Variants in PDZD2 observed in about 807,000 individuals in gnomAD.
The protein encoded by PDZD2 is PDZ domain-containing protein 2.
Under a neutral mutation model 220.7 loss-of-function variants are expected in PDZD2, and 90 were observed. The observed-to-expected ratio is 0.41, with a 90% confidence interval of 0.34 to 0.49. The LOEUF (loss-of-function observed/expected upper bound fraction) is 0.49. Ranked by LOEUF, PDZD2 falls within the 20% of genes least tolerant of loss-of-function variation. The pLI, the probability that PDZD2 is intolerant of heterozygous loss-of-function variation, is 0.28. For synonymous variants in PDZD2, 1,375 were observed against 1,450.5 expected, an observed-to-expected ratio of 0.95 and a Z score of 1.18; for missense variants, 3,174 against 3,608.5, an observed-to-expected ratio of 0.88 and a Z score of 3.08.
intron 5 of PDZD2, among the ~76,000 whole-genome samples, chr5:32,006,907 CTTTTTTTT>C (rs1173189592): frequency 4.2e-5 from 2 of 47,844 alleles, no homozygotes; most frequent in African/African-American, 2.0e-4. Context: ...CCATGCTGGT[CTTTTTTTT>C]TTTTTTTTTT....
intron 2 of PDZD2, chr5:31,855,179 G>C: frequency 1.1e-6 from 1 of 906,194 alleles, no homozygotes; most frequent in Non-Finnish European, 1.3e-6. Flanking sequence ...GTAGGAAATC[G>C]GCTTCTCAGG....
chr5:31,765,654 C>A (rs182445928), intron 1 of PDZD2, among the ~76,000 whole-genome samples: 1 of 152,144 alleles, frequency 6.6e-6, no homozygotes, highest in African/African-American at 2.4e-5. Context: ...AGAGGCGCAT[C>A]CCTGAGGCCG....
intron 1 of PDZD2, among the ~76,000 whole-genome samples, chr5:31,727,861 G>A (rs915276564): frequency 2.6e-5 from 4 of 151,434 alleles, no homozygotes; most frequent in East Asian, 1.9e-4. Flanking sequence ...AAATTTTGCC[G>A]GGTGTGGTGT....
In PDZD2 at chr5:32,088,829, C is replaced by T. The variant is rs748875082; in HGVS notation, c.5381C>T (p.Ala1794Val). 2 of 1,613,966 alleles carry T rather than the reference C, an allele frequency of 1.2e-6. No homozygotes were observed. The highest frequency in any genetic ancestry group is 1.7e-6 in the Non-Finnish European group (2 of 1,179,934). ...TTGCTACAGAAACCAAAAATGATCGCTAGGAGGCCCATCATGGCCTGGTTT... is the reference window on the plus strand; with the variant it reads ...TTGCTACAGAAACCAAAAATGATCGTTAGGAGGCCCATCATGGCCTGGTTT... ...DDLLQKPKMI[A>V]RRPIMAWFKE... Residue 1794 changes from alanine to valine, a missense_variant, in exon 20 of 25, where the codon GCT becomes GTT. Around this residue, in one of 4 missense-constraint regions of PDZD2, gnomAD observed 1,861 missense variants for 2,001.0 expected, o/e 0.93. Transcript: ENST00000438447. The surrounding 1 kb of genome is among the most constrained non-coding windows in gnomAD (Gnocchi z 4.6).
chr5:31,642,431 T>C (rs1744983318), intron 1 of PDZD2, among the ~76,000 whole-genome samples: 1 of 152,118 alleles, frequency 6.6e-6, no homozygotes, highest in South Asian at 2.1e-4. Flanking sequence ...AAAAGGCCAC[T>C]GATAGAACAG....
chr5:31,680,656 A>G (rs2150122875), intron 1 of PDZD2, among the ~76,000 whole-genome samples: 1 of 152,330 alleles, frequency 6.6e-6, no homozygotes, highest in East Asian at 1.9e-4. Flanking sequence ...TCAGGCAGCC[A>G]GAAACAGGCT....
Position 31,898,808 on chromosome 5 carries a change from C to CTTTT in PDZD2, c.477-84332_477-84329dup, listed in dbSNP as rs35589628. ...CTTAAGGATAGATGGAGCCTCTCTT[C>CTTTT]TTTTTTTTTTTTTTTTTTGTTTTTT... On this transcript the variant is annotated intron_variant, in intron 2 of 24. Transcript: ENST00000438447. Among the ~76,000 whole-genome samples the CTTTT allele has an allele frequency of 8.8e-4, 109 of 123,442 alleles. 1 individual carries two copies. Among genetic ancestry groups the CTTTT allele is most frequent in the Middle Eastern group, 9.9e-3 (2 of 202 alleles). 81.0% of individuals were successfully genotyped at this position (123,442 alleles called of 152,430 possible).
In PDZD2 at chr5:32,083,178, CT is replaced by C. The variant is rs1171435589; in HGVS notation, c.3683-3946del. ...GTGTGAATAAATATATAGTCCTGTG[CT>C]TTTTTTGTCTTTTTGCCAAAAAAAA... On this transcript the variant is annotated intron_variant, in intron 19 of 24. Transcript: ENST00000438447. This position sits in a 1 kb window ranked among gnomAD's most constrained non-coding sequence, Gnocchi z 4.1. 7.2e-6 allele frequency among the ~76,000 whole-genome samples: 1 copy of C among 138,728 alleles called. No individual in the cohort carries two copies. Among genetic ancestry groups the C allele is most frequent in the African/African-American group, 2.7e-5 (1 of 37,084 alleles). The allele number at this position is 138,728 out of a possible 152,430, so 91.0% of individuals were successfully genotyped here.
chr5:31,763,812 C>T (rs182751656), intron 1 of PDZD2, among the ~76,000 whole-genome samples: 31 of 146,698 alleles, frequency 2.1e-4, no homozygotes, highest in African/African-American at 7.9e-4. Flanking sequence ...AAGCAGTCTT[C>T]AAAGGATCTG....
chr5:31,725,487 A>C (rs1749069448), intron 1 of PDZD2: 1 of 1,241,588 alleles, frequency 8.1e-7, no homozygotes, highest in African/African-American at 1.5e-5. Flanking sequence ...AACTATGAGT[A>C]AATGAATGAT....
chr5:31,705,682 A>C (rs1055536468), intron 1 of PDZD2, among the ~76,000 whole-genome samples: 3 of 152,368 alleles, frequency 2.0e-5, no homozygotes, highest in African/African-American at 7.2e-5. Flanking sequence ...CAGGACAATA[A>C]ATATTTTAGA....
chr5:32,013,603 G>A (rs1290298511), intron 6 of PDZD2, among the ~76,000 whole-genome samples: 1 of 151,958 alleles, frequency 6.6e-6, no homozygotes, highest in Non-Finnish European at 1.5e-5. Flanking sequence ...AAGCCTCTCG[G>A]CAGTATTTCA....
At chr5:31,847,338 G>A (rs903885383) in intron 2 of PDZD2, 4 of 378,854 alleles carry the variant, frequency 1.1e-5, no homozygotes, top group African/African-American at 4.1e-5. Context: ...TTTAGAAGAC[G>A]ACAAGAGGGT....
intron 1 of PDZD2, among the ~76,000 whole-genome samples, chr5:31,692,012 G>A (rs1022097876): frequency 6.6e-6 from 1 of 152,242 alleles, no homozygotes; most frequent in Non-Finnish European, 1.5e-5. Flanking sequence ...CCCTGCACCC[G>A]CATTCCTCAG....
Position 32,087,437 on chromosome 5 carries a change from C to T in PDZD2, c.3989C>T (p.Ala1330Val). The change falls in exon 20 of 25, where the codon GCA becomes GTA. Residue 1330 changes from alanine (A) to valine (V), a missense_variant. Transcript: ENST00000438447. This position sits in a 1 kb window ranked among gnomAD's most constrained non-coding sequence, Gnocchi z 4.0. ...VAALRGAGPG[A>V]EGMTPAGAVL... ...GCCCTCAGGGGAGCGGGACCTGGAG[C>T]AGAGGGAATGACACCAGCTGGTGCT... 1.2e-6 allele frequency: 2 copies of T among 1,614,114 alleles called. No individual in the cohort carries two copies. The highest frequency in any genetic ancestry group is 2.2e-5 in the East Asian group (1 of 44,876).
chr5:31,942,444 G>A (rs1374957512), intron 2 of PDZD2, among the ~76,000 whole-genome samples: 1 of 152,090 alleles, frequency 6.6e-6, no homozygotes, highest in African/African-American at 2.4e-5. Flanking sequence ...GCACTCACAT[G>A]GACCTGGAGA....
Position 31,822,727 on chromosome 5 carries a change from G to T in PDZD2, c.476+23003G>T, listed in dbSNP as rs910790032. 4.0e-6 allele frequency: 5 copies of T among 1,243,726 alleles called. No individual in the cohort carries two copies. The Admixed American group carries it at 9.3e-5, about 23-fold the overall frequency. 77.0% of individuals were successfully genotyped at this position (1,243,726 alleles called of 1,614,324 possible). ...GATTAATTCATCTTTCTGAGTTTGA[G>T]ATACTGAACAAGGAACACCTGGCCT... On this transcript the variant is annotated intron_variant, in intron 2 of 24. Coordinates refer to ENST00000438447, the MANE Select transcript of PDZD2 (RefSeq NM_178140.4).
intron 2 of PDZD2, among the ~76,000 whole-genome samples, chr5:31,861,987 A>G (rs941733699): frequency 2.6e-5 from 4 of 151,908 alleles, no homozygotes; most frequent in Non-Finnish European, 5.9e-5. Flanking sequence ...ATAGTTCATC[A>G]TTATATCCTG....
rs375163434 is a variant in PDZD2, at chr5:32,039,785, G to A, written c.1519+2443G>A. 2.1e-4 allele frequency among the ~76,000 whole-genome samples: 27 copies of A among 129,612 alleles called. No homozygotes were observed. In the East Asian group the frequency reaches 3.1e-3, roughly 15 times the overall value. The allele number at this position is 129,612 out of a possible 152,430, so 85.0% of individuals were successfully genotyped here. ...CTAGGAAGTGAGGAGCGTCTCTGCC[G>A]GACTGCCCATCGTCTGGGATGTGAG... On this transcript the variant is annotated intron_variant, in intron 7 of 24. Coordinates refer to ENST00000438447, the MANE Select transcript of PDZD2 (RefSeq NM_178140.4).
Sources: gnomAD v4.1 joint callset for allele counts (sites outside exome capture counted in the v4.1 genomes callset) on GRCh38, gnomAD v4.1.1 for gene constraint, gnomAD v4.1.1 regional missense constraint, Gnocchi (gnomAD v3.1) non-coding constraint, MANE v1.5 for transcripts, NCBI Gene and HGNC (gene_info 2026-07-23, HGNC 2026-07-21) for gene names.